HCN4: variants seen among roughly 807,000 people sequenced by gnomAD.
The protein encoded by HCN4 is potassium/sodium hyperpolarization-activated cyclic nucleotide-gated channel 4.
In HCN4, 29 loss-of-function variants were observed where a neutral mutation model predicts 76.9. The observed-to-expected ratio is 0.38, with a 90% CI of 0.28 to 0.51. The LOEUF (loss-of-function observed/expected upper bound fraction) is 0.51, where lower values mean the gene tolerates loss of function less well. Ranked by LOEUF, HCN4 falls within the 20% of genes least tolerant of loss-of-function variation. The pLI is 0.90. For synonymous variants in HCN4, 772 were observed against 762.5 expected (o/e 1.01, Z -0.21); for missense variants, 1,416 against 1,715.2 (o/e 0.83, Z 3.08).
At chr15:73,327,199 T>C (rs554941303) in intron 4 of HCN4, among the ~76,000 whole-genome samples, 1 of 150,648 alleles carries the variant, frequency 6.6e-6, no homozygotes, top group African/African-American at 2.4e-5. Flanking sequence ...CTCCGCCTCC[T>C]AGGTTCAAGT....
rs1306335028 is a variant in HCN4, at chr15:73,320,476, C to G, written c.*2005G>C. On this transcript the variant is annotated 3_prime_UTR_variant, in exon 8 of 8. Coordinates refer to ENST00000261917, the MANE Select transcript of HCN4 (RefSeq NM_005477.3). ...AAGGTTCTGGATGGATAATGTGGGA[C>G]CAGCCCTTCTCATTACTTGGGGATT... 6.6e-6 allele frequency: 1 copy of G among 152,280 alleles called. No individual in the cohort carries two copies. The highest frequency in any genetic ancestry group is 1.5e-5 in the Non-Finnish European group (1 of 68,096). The allele number at this position is 152,280 out of a possible 1,614,324, so 9.4% of individuals were successfully genotyped here.
At chr15:73,336,963 C>T (rs951160814) in intron 2 of HCN4, among the ~76,000 whole-genome samples, 1 of 152,240 alleles carries the variant, frequency 6.6e-6, no homozygotes, top group African/African-American at 2.4e-5. Flanking sequence ...GCCTCCCTGA[C>T]TCTGCCCAAA....
At position 73,350,953 on chromosome 15, in the gene HCN4, C is replaced by A. The variant is rs952964148; in HGVS notation, c.786-7145G>T. The stretch of plus-strand genomic sequence containing the variant: ...GCTTTCGTGCCCCTCACCCAGCGCT[C>A]CTCTCCACTCCACTTGATCTTAGCC... On this transcript the variant is annotated intron_variant, in intron 1 of 7. Coordinates refer to ENST00000261917, the MANE Select transcript of HCN4 (RefSeq NM_005477.3). Among the ~76,000 whole-genome samples, 25 of 152,280 alleles carry A rather than the reference C, an allele frequency of 1.6e-4. No homozygotes were observed. The East Asian group carries it at 4.6e-3, about 28-fold the overall frequency.
intron 2 of HCN4, among the ~76,000 whole-genome samples, chr15:73,332,712 C>T (rs571626482): frequency 6.6e-6 from 1 of 152,248 alleles, no homozygotes; most frequent in South Asian, 2.1e-4. Flanking sequence ...ATGCCAGGGG[C>T]GTGTTTCCCT....
intron 1 of HCN4, among the ~76,000 whole-genome samples, chr15:73,364,503 TCCAGGACCCAAGAGCCCAG>T (rs1420989356): frequency 6.6e-6 from 1 of 152,162 alleles, no homozygotes; most frequent in Non-Finnish European, 1.5e-5. Context: ...GAAGGACCCA[TCCAGGACCCAAGAGCCCAG>T]CCAGCCTCGG....
At chr15:73,358,763 C>T (rs913323491) in intron 1 of HCN4, among the ~76,000 whole-genome samples, 2 of 152,168 alleles carry the variant, frequency 1.3e-5, no homozygotes, top group African/African-American at 2.4e-5. Context: ...CTTAAGCTTC[C>T]AAGAAAGTGC....
intron 1 of HCN4, among the ~76,000 whole-genome samples, chr15:73,357,064 C>G (rs1825852422): frequency 6.6e-6 from 1 of 152,202 alleles, no homozygotes; most frequent in South Asian, 2.1e-4. Context: ...GAAACTCTAC[C>G]TGCCCGGCCT....
rs115378328 is a variant in HCN4, at chr15:73,352,641, C to T, written c.786-8833G>A. On this transcript the variant is annotated intron_variant, in intron 1 of 7. Transcript: ENST00000261917. ...GTGTTTCCAGCCTGAGCTGTGCAGG[C>T]GGTGGGAGCAGAACCAACCACCCAT... Among the ~76,000 whole-genome samples, 887 of 152,284 alleles carry T rather than the reference C, an allele frequency of 5.8e-3. 6 individuals are homozygous for T. The highest frequency in any genetic ancestry group is 0.019 in the African/African-American group (809 of 41,546).
In HCN4 at chr15:73,334,891, C is replaced by T. The variant is rs182853404; in HGVS notation, c.1210-2599G>A. Among the ~76,000 whole-genome samples the T allele has an allele frequency of 2.2e-3, 339 of 152,178 alleles. 2 individuals are homozygous for T. Among genetic ancestry groups the T allele is most frequent in the South Asian group, 7.1e-3 (34 of 4,818 alleles). On this transcript the variant is annotated intron_variant, in intron 2 of 7. Coordinates refer to ENST00000261917, the MANE Select transcript of HCN4 (RefSeq NM_005477.3). ...ATTCCTACGTTGAATTCCTAACCCT[C>T]GAGGTGATGGCATTTGGAAATGAGG...
intron 2 of HCN4, among the ~76,000 whole-genome samples, chr15:73,340,429 G>T (rs554656289): frequency 1.3e-5 from 2 of 152,336 alleles, no homozygotes; most frequent in African/African-American, 4.8e-5. Flanking sequence ...CATGCAGAAG[G>T]TTGGGGGTTT....
Position 73,367,977 on chromosome 15 carries a change from C to T in HCN4, c.294G>A (p.Gly98=), listed in dbSNP as rs1674530034. 1 of 1,347,464 alleles carries T rather than the reference C, an allele frequency of 7.4e-7. No homozygotes were observed. 83.5% of individuals were successfully genotyped at this position (1,347,464 alleles called of 1,614,324 possible). Residue 98 remains glycine (G), a synonymous_variant, in exon 1 of 8, where the codon GGG becomes GGA. Coordinates refer to ENST00000261917, the MANE Select transcript of HCN4 (RefSeq NM_005477.3). This position sits in a 1 kb window ranked among gnomAD's most constrained non-coding sequence, Gnocchi z 7.5. ...STNGDCRRFR[G]SLASLGSRGG... is the part of the protein sequence containing the mutation. ...CCCGGCTGCCCAGCGAGGCCAGGCT[C>T]CCGCGGAAGCGCCTGCAGTCGCCGT...
At position 73,329,573 on chromosome 15, in the gene HCN4, C is replaced by G. The variant is rs1555475961; in HGVS notation, c.1590G>C (p.Lys530Asn). Residue 530 changes from lysine to asparagine, a missense_variant and splice_region_variant, in exon 4 of 8, where the codon AAG becomes AAC. By Grantham distance (94) the Lys-to-Asn change is moderately conservative (BLOSUM62 0). Coordinates refer to ENST00000261917, the MANE Select transcript of HCN4 (RefSeq NM_005477.3). The part of the protein sequence containing the change: ...LDSSRRQYQE[K>N]YKQVEQYMSF... ...GCGGGTGCTCCCTGGGTAGACCTAC[C>G]TTTTCCTGGTACTGGCGCCGGGAGG... 6.2e-7 allele frequency: 1 copy of G among 1,613,928 alleles called. No individual in the cohort carries two copies. Among genetic ancestry groups the G allele is most frequent in the Non-Finnish European group, 8.5e-7 (1 of 1,179,930 alleles).
intron 2 of HCN4, among the ~76,000 whole-genome samples, chr15:73,333,832 T>C (rs1447310756): frequency 2.0e-5 from 3 of 152,174 alleles, no homozygotes; most frequent in African/African-American, 7.2e-5. Flanking sequence ...ATATTGTTCA[T>C]CTGTTTTATA....
chr15:73,325,627 C>A lies in HCN4; in HGVS notation c.1591-183G>T, dbSNP rs1313939742. On this transcript the variant is annotated intron_variant, in intron 4 of 7. Coordinates refer to ENST00000261917, the MANE Select transcript of HCN4 (RefSeq NM_005477.3). This position sits in a 1 kb window ranked among gnomAD's most constrained non-coding sequence, Gnocchi z 7.4. The stretch of plus-strand genomic sequence containing the variant: ...CCTCACTGTGCTCAAAACAACTGCC[C>A]GGGCTCCCAGCTGCTTGGCATGGAG... Among the ~76,000 whole-genome samples the A allele has an allele frequency of 1.4e-4, 22 of 152,144 alleles. No homozygotes were observed. The highest frequency in any genetic ancestry group is 1.4e-3 in the Admixed American group (22 of 15,284).
chr15:73,322,735 G>A lies in HCN4; in HGVS notation c.3358C>T (p.Pro1120Ser). Residue 1120 changes from proline to serine, a missense_variant, in exon 8 of 8, where the codon CCC becomes TCC. Coordinates refer to ENST00000261917, the MANE Select transcript of HCN4 (RefSeq NM_005477.3). ...CCCCCGCTGCCACCCCCAGCCCTGG[G>A]GAAGAGCGGGAAGGCAGCCATGGAC... ...GESMAAFPLF[P>S]RAGGGSGGSG... 1 of 1,562,364 alleles carries A rather than the reference G, an allele frequency of 6.4e-7. No individual in the cohort carries two copies. Among genetic ancestry groups the A allele is most frequent in the Non-Finnish European group, 8.7e-7 (1 of 1,153,488 alleles).
In HCN4 at chr15:73,323,536, A is replaced by G; in HGVS notation, c.2557T>C (p.Ser853Pro). The G allele has an allele frequency of 6.2e-7, 1 of 1,600,980 alleles. No homozygotes were observed. The highest frequency in any genetic ancestry group is 8.5e-7 in the Non-Finnish European group (1 of 1,179,810). ...TGTTGGATGTGGAAGGAGGATGAAG[A>G]CGGTGTGTCCACCTGGGACGGGCTG... ...ASSPSQVDTP[S>P]SSSFHIQQLA... Residue 853 changes from serine to proline, a missense_variant, in exon 8 of 8, where the codon TCT becomes CCT. Coordinates refer to ENST00000261917, the MANE Select transcript of HCN4 (RefSeq NM_005477.3).
intron 2 of HCN4, among the ~76,000 whole-genome samples, chr15:73,342,540 A>C (rs1241696332): frequency 6.6e-6 from 1 of 152,192 alleles, no homozygotes; most frequent in Non-Finnish European, 1.5e-5. Context: ...TGACTGGGAC[A>C]ACTCCAAGGT....
intron 2 of HCN4, among the ~76,000 whole-genome samples, chr15:73,342,832 G>T (rs997219249): frequency 2.0e-5 from 3 of 152,112 alleles, no homozygotes; most frequent in African/African-American, 7.2e-5. Flanking sequence ...AGCAACCCTG[G>T]GCCCATTCCC....
intron 2 of HCN4, among the ~76,000 whole-genome samples, chr15:73,334,570 A>T (rs970276005): frequency 5.9e-5 from 9 of 151,770 alleles, no homozygotes; most frequent in Non-Finnish European, 8.8e-5. Flanking sequence ...TCCCCAGCTC[A>T]CCCAACCCCC....
Sources: allele counts gnomAD v4.1 joint callset (sites outside exome capture counted in the v4.1 genomes callset), GRCh38; gene constraint gnomAD v4.1.1; non-coding constraint Gnocchi (gnomAD v3.1); transcripts MANE v1.5; gene names NCBI Gene and HGNC (gene_info 2026-07-23, HGNC 2026-07-21).